CHRM3: variants seen among roughly 807,000 people sequenced by gnomAD.
CHRM3 encodes the protein cholinergic receptor muscarinic 3.
CHRM3 carries 11 observed loss-of-function variants against 41.8 expected under a neutral mutation model. The ratio of observed to expected loss-of-function variants is 0.26; its 90% CI spans 0.17 to 0.44. The LOEUF (loss-of-function observed/expected upper bound fraction) is 0.44. Ranked by LOEUF, CHRM3 falls within the 20% of genes least tolerant of loss-of-function variation. The pLI, the probability that CHRM3 is intolerant of heterozygous loss-of-function variation, is 1.00. For synonymous variants in CHRM3, 297 were observed against 301.4 expected (o/e 0.99, Z 0.15); for missense variants, 571 against 745.4 (o/e 0.77, Z 2.72).
At chr1:239,669,820 AATACT>A (rs1674181218) in intron 4 of CHRM3, among the ~76,000 whole-genome samples, 1 of 152,202 alleles carries the variant, frequency 6.6e-6, no homozygotes, top group African/African-American at 2.4e-5. Flanking sequence ...AAGCAGAGAG[AATACT>A]ATAATCAACC....
At chr1:239,563,886 G>A (rs1233326753) in intron 3 of CHRM3, among the ~76,000 whole-genome samples, 2 of 152,146 alleles carry the variant, frequency 1.3e-5, no homozygotes, top group African/African-American at 4.8e-5. Context: ...AAATCCAGCA[G>A]CTGGTTTGTC....
chr1:239,557,268 G>A (rs913481077), intron 3 of CHRM3, among the ~76,000 whole-genome samples: 1 of 152,110 alleles, frequency 6.6e-6, no homozygotes, highest in East Asian at 1.9e-4. Context: ...CTTTAAAACT[G>A]TCTTCTTTGC....
chr1:239,399,019 G>C (rs1450973744), intron 1 of CHRM3, among the ~76,000 whole-genome samples: 1 of 152,158 alleles, frequency 6.6e-6, no homozygotes, highest in Non-Finnish European at 1.5e-5. Context: ...TAATATGTTG[G>C]AACCAAGGTC....
chr1:239,618,813 C>T (rs1668011269), intron 3 of CHRM3, among the ~76,000 whole-genome samples: 1 of 139,986 alleles, frequency 7.1e-6, no homozygotes, highest in South Asian at 2.4e-4. Context: ...CCCTGCACTC[C>T]AGCCTGGGAG....
chr1:239,717,633 A>G lies in CHRM3; in HGVS notation c.-147+39345A>G, dbSNP rs372254779. Among the ~76,000 whole-genome samples the G allele has an allele frequency of 3.7e-4, 57 of 152,156 alleles. No homozygotes were observed. The South Asian group carries it at 6.6e-3, about 18-fold the overall frequency. On this transcript the variant is annotated intron_variant, in intron 5 of 6. Coordinates refer to ENST00000676153, the MANE Select transcript of CHRM3 (RefSeq NM_001375978.1). ...TAGTGTGGCAGGAATTTGGGATTCA[A>G]GGGGGGTGCTTATATAATCTGCTTT...
chr1:239,907,754 G>A lies in CHRM3; in HGVS notation c.303G>A (p.Thr101=), dbSNP rs200122635. The A allele has an allele frequency of 6.8e-6, 11 of 1,614,052 alleles. No homozygotes were observed. Among genetic ancestry groups the A allele is most frequent in the South Asian group, 4.4e-5 (4 of 91,078 alleles). The change falls in exon 7 of 7, where the codon ACG becomes ACA. Residue 101 remains threonine (T), a synonymous_variant. Coordinates refer to ENST00000676153, the MANE Select transcript of CHRM3 (RefSeq NM_001375978.1). The surrounding 1 kb of genome is among the most constrained non-coding windows in gnomAD (Gnocchi z 5.4). ...TTAAGGTCAACAAGCAGCTGAAGAC[G>A]GTCAACAACTACTTCCTCTTAAGCC... ...VSFKVNKQLK[T]VNNYFLLSLA... is the part of the protein sequence containing the mutation.
chr1:239,404,016 A>AGAGAGAGAGG (rs1558194694), intron 1 of CHRM3, among the ~76,000 whole-genome samples: 2 of 118,266 alleles, frequency 1.7e-5, no homozygotes, highest in South Asian at 3.0e-4. Context: ...AGAGAGAGAT[A>AGAGAGAGAGG]CCTGGCTCGG....
intron 3 of CHRM3, among the ~76,000 whole-genome samples, chr1:239,565,319 G>A (rs368095148): frequency 2.0e-5 from 3 of 152,106 alleles, no homozygotes; most frequent in African/African-American, 7.2e-5. Flanking sequence ...TATAGTATCC[G>A]ATTCTCAAGT....
At chr1:239,436,863 C>T (rs1572292851) in intron 1 of CHRM3, among the ~76,000 whole-genome samples, 1 of 152,014 alleles carries the variant, frequency 6.6e-6, no homozygotes, top group South Asian at 2.1e-4. Flanking sequence ...GCTGTTACTC[C>T]GTCTTCATGG....
chr1:239,644,334 C>T (rs567476138), intron 4 of CHRM3, among the ~76,000 whole-genome samples: 1 of 147,528 alleles, frequency 6.8e-6, no homozygotes. Context: ...ACACCCATTT[C>T]CCACCCACCC....
chr1:239,441,734 C>T (rs1027929480), intron 1 of CHRM3, among the ~76,000 whole-genome samples: 4 of 143,298 alleles, frequency 2.8e-5, no homozygotes, highest in Non-Finnish European at 5.9e-5. Context: ...AGGCTTTTGC[C>T]AATTTTTTAT....
intron 1 of CHRM3, among the ~76,000 whole-genome samples, chr1:239,419,181 A>G (rs1468080328): frequency 6.6e-6 from 1 of 152,132 alleles, no homozygotes; most frequent in Non-Finnish European, 1.5e-5. Flanking sequence ...GCTTATCTCC[A>G]TATATGTTTC....
chr1:239,849,822 CT>C (rs1674559309), intron 6 of CHRM3, among the ~76,000 whole-genome samples: 1 of 152,100 alleles, frequency 6.6e-6, no homozygotes, highest in Admixed American at 6.5e-5. Flanking sequence ...TAGCAAGTGC[CT>C]AATAAGTGTT....
chr1:239,713,932 CT>C (rs1309158939), intron 5 of CHRM3, among the ~76,000 whole-genome samples: 1 of 152,130 alleles, frequency 6.6e-6, no homozygotes, highest in Non-Finnish European at 1.5e-5. Flanking sequence ...GTTTTAAGCC[CT>C]GTTCTTTAAA....
chr1:239,660,864 G>A (rs1387497797), intron 4 of CHRM3, among the ~76,000 whole-genome samples: 3 of 152,186 alleles, frequency 2.0e-5, no homozygotes, highest in Non-Finnish European at 2.9e-5. Flanking sequence ...CTGGGTGACA[G>A]AGAGAGACTC....
intron 3 of CHRM3, among the ~76,000 whole-genome samples, chr1:239,594,921 C>G (rs1393347608): frequency 1.3e-5 from 2 of 152,154 alleles, no homozygotes; most frequent in Non-Finnish European, 2.9e-5. Flanking sequence ...GAAACCTCAT[C>G]TCTACTAAAA....
At chr1:239,591,207 A>G (rs543204734) in intron 3 of CHRM3, among the ~76,000 whole-genome samples, 1 of 152,268 alleles carries the variant, frequency 6.6e-6, no homozygotes, top group African/African-American at 2.4e-5. Context: ...AGTTGGTGAC[A>G]ATTCCGCCTC....
At chr1:239,689,146 C>T (rs1269420954) in intron 5 of CHRM3, among the ~76,000 whole-genome samples, 1 of 151,794 alleles carries the variant, frequency 6.6e-6, no homozygotes, top group Non-Finnish European at 1.5e-5. Context: ...TTTACAAATT[C>T]TCTAACCCTT....
intron 5 of CHRM3, among the ~76,000 whole-genome samples, chr1:239,777,288 A>C (rs1311722346): frequency 6.6e-6 from 1 of 152,214 alleles, no homozygotes; most frequent in Non-Finnish European, 1.5e-5. Context: ...GTCAGGCAAA[A>C]CACTGCTGTA....
Sources: gnomAD v4.1 joint callset for allele counts (sites outside exome capture counted in the v4.1 genomes callset) on GRCh38, gnomAD v4.1.1 for gene constraint, Gnocchi (gnomAD v3.1) non-coding constraint, MANE v1.5 for transcripts, NCBI Gene and HGNC (gene_info 2026-07-23, HGNC 2026-07-21) for gene names.